PKD1L1: variants seen among roughly 807,000 people sequenced by gnomAD.
PKD1L1 encodes polycystin-1-like protein 1.
Under a neutral mutation model 323.4 loss-of-function variants are expected in PKD1L1, and 236 were observed. The ratio of observed to expected loss-of-function variants is 0.73; its 90% CI spans 0.66 to 0.81. PKD1L1 has a LOEUF of 0.81. Among genes scored for constraint, PKD1L1 ranks in the 40% least tolerant of loss-of-function variants. PKD1L1 has a pLI of 0.00. For synonymous variants in PKD1L1, 1,344 were observed against 1,335.0 expected, an observed-to-expected ratio of 1.01 and a Z score of -0.15; for missense variants, 3,320 against 3,508.0, an observed-to-expected ratio of 0.95 and a Z score of 1.35.
chr7:47,897,894 C>T, intron 14 of PKD1L1, 94 bp downstream of exon 14: 1 of 982,420 alleles, frequency 1.0e-6, no homozygotes, highest in Non-Finnish European at 1.4e-6. Flanking sequence ...CTGGATCGAA[C>T]AGGTGTTGAA....
At chr7:47,804,721 G>A (rs1437506724) in intron 52 of PKD1L1, among the ~76,000 whole-genome samples, 1 of 152,106 alleles carries the variant, frequency 6.6e-6, no homozygotes, top group Non-Finnish European at 1.5e-5. Flanking sequence ...CTGAACTCAG[G>A]CAATCTGTCA....
intron 2 of PKD1L1, among the ~76,000 whole-genome samples, chr7:47,941,559 C>G (rs1167905320): frequency 4.6e-5 from 7 of 152,186 alleles, no homozygotes; most frequent in Admixed American, 4.6e-4. Flanking sequence ...ATAACAAAAG[C>G]TGAGGAAAAA....
intron 21 of PKD1L1, among the ~76,000 whole-genome samples, chr7:47,880,382 C>T (rs1323446001): frequency 4.6e-4 from 67 of 145,872 alleles, no homozygotes; most frequent in Admixed American, 1.2e-3. Flanking sequence ...CCTGGGTTCA[C>T]GCCATTCTCC....
intron 4 of PKD1L1, among the ~76,000 whole-genome samples, chr7:47,932,814 T>C (rs1049388965): frequency 6.6e-6 from 1 of 152,230 alleles, no homozygotes; most frequent in African/African-American, 2.4e-5. Flanking sequence ...ATTATAATCA[T>C]GCATGAGAAA....
At chr7:47,821,213 T>A in intron 45 of PKD1L1, 27 bp from the exon 46 acceptor site, 2 of 1,444,558 alleles carry the variant, frequency 1.4e-6, no homozygotes, top group Non-Finnish European at 1.9e-6. Context: ...TAAGTTAGCA[T>A]CCATACAGAC....
In PKD1L1 at chr7:47,885,782, G is replaced by T. The variant is rs1161507617; in HGVS notation, c.3109C>A (p.Leu1037Ile). ...CTCTGTGGCCCTGGCTCTAGGTCTA[G>T]TGAACCTTCCTCTGGAGCCTCCCCC... is the stretch of plus-strand genomic sequence containing the variant. ...VLGEAPEEGS[L>I]DLEPGPQSKG... Residue 1037 changes from leucine (L) to isoleucine (I), a missense_variant, in exon 18 of 57, where the codon CTA (leucine) becomes ATA (isoleucine). Physicochemically the swap from Leu to Ile is conservative, Grantham distance 5. Coordinates refer to ENST00000289672, the MANE Select transcript of PKD1L1 (RefSeq NM_138295.5). 1.2e-6 allele frequency: 2 copies of T among 1,614,132 alleles called. No individual in the cohort carries two copies. The highest frequency in any genetic ancestry group is 1.7e-6 in the Non-Finnish European group (2 of 1,180,050).
chr7:47,835,246 G>T lies in PKD1L1; in HGVS notation c.5944-3C>A. On this transcript the variant is annotated splice_region_variant and splice_polypyrimidine_tract_variant and intron_variant, in intron 37 of 56. Transcript: ENST00000289672. ...GTGGGGCTGACGTCCAAGTGGGGCT[G>T]CAACAAAGCAACAGCAGCCATTACA... 6.4e-7 allele frequency: 1 copy of T among 1,565,714 alleles called. No individual in the cohort carries two copies. The highest frequency in any genetic ancestry group is 2.3e-5 in the East Asian group (1 of 44,326).
chr7:47,791,387 T>G (rs1786944272), intron 56 of PKD1L1, among the ~76,000 whole-genome samples: 1 of 152,186 alleles, frequency 6.6e-6, no homozygotes, highest in African/African-American at 2.4e-5. Flanking sequence ...TTTCCTCAAC[T>G]CTGTTAATTC....
intron 6 of PKD1L1, 108 bp from the exon 7 acceptor site, chr7:47,929,634 T>C: frequency 1.0e-6 from 1 of 995,756 alleles, no homozygotes; most frequent in Non-Finnish European, 1.5e-6. Context: ...AAGCCAAGTC[T>C]GAGAAACCTG....
chr7:47,833,028 C>T (rs1785379484), intron 41 of PKD1L1, 62 bp downstream of exon 41: 2 of 1,538,756 alleles, frequency 1.3e-6, no homozygotes, highest in Non-Finnish European at 1.8e-6. Context: ...CCCTGCCTCT[C>T]CCAATGGCTG....
chr7:47,860,527 T>C (rs1786001037), intron 26 of PKD1L1, among the ~76,000 whole-genome samples: 1 of 152,238 alleles, frequency 6.6e-6, no homozygotes, highest in Non-Finnish European at 1.5e-5. Context: ...TTTTAAAATC[T>C]AGTTCTTCCA....
chr7:47,890,349 C>T (rs914961354), intron 16 of PKD1L1, among the ~76,000 whole-genome samples, 193 bp downstream of exon 16: 2 of 152,252 alleles, frequency 1.3e-5, no homozygotes, highest in Non-Finnish European at 2.9e-5. Context: ...GCTGCCCAGA[C>T]ATCAGCCCGA....
chr7:47,869,780 T>C (rs1213797138), intron 24 of PKD1L1, among the ~76,000 whole-genome samples: 1 of 152,102 alleles, frequency 6.6e-6, no homozygotes, highest in Non-Finnish European at 1.5e-5. Context: ...CAAAATCAGA[T>C]ACATATTCTT....
chr7:47,778,189 G>A (rs887844524), intron 56 of PKD1L1, among the ~76,000 whole-genome samples: 2 of 152,180 alleles, frequency 1.3e-5, no homozygotes, highest in Admixed American at 6.5e-5. Flanking sequence ...ATGGGAGGAC[G>A]GTGGTGGTGG....
intron 37 of PKD1L1, 62 bp from the exon 38 acceptor site, chr7:47,835,305 C>G: frequency 9.5e-7 from 1 of 1,047,756 alleles, no homozygotes; most frequent in East Asian, 2.5e-5. Context: ...AAAACGCAGT[C>G]ATTGTGTAAT....
chr7:47,774,995 T>C lies in PKD1L1; in HGVS notation c.*148A>G. ...CTTGATTTTCATCCTGGTTTCCCAT[T>C]TACTTGTTACGTGAACTGGAAAAAT... is the stretch of plus-strand genomic sequence containing the variant. On this transcript the variant is annotated 3_prime_UTR_variant, in exon 57 of 57. Transcript: ENST00000289672. 1 of 780,646 alleles carries C rather than the reference T, an allele frequency of 1.3e-6. No individual in the cohort carries two copies. Among genetic ancestry groups the C allele is most frequent in the South Asian group, 1.7e-5 (1 of 58,834 alleles). 48.4% of individuals were successfully genotyped at this position (780,646 alleles called of 1,614,324 possible).
Position 47,829,569 on chromosome 7 carries a change from T to C in PKD1L1, c.6591A>G (p.Lys2197=). Residue 2197 remains lysine (K), a synonymous_variant, in exon 44 of 57, where the codon AAA becomes AAG. Transcript: ENST00000289672. ...TAAAAAAGTGGTTGTCAGCTCTTCT[T>C]TTCCAAGCAAAACCCAAGGCCATGA... is the stretch of plus-strand genomic sequence containing the variant. ...VCLMALGFAW[K]RRADNHFFTE... is the part of the protein sequence containing the mutation. 1 of 1,613,106 alleles carries C rather than the reference T, an allele frequency of 6.2e-7. No homozygotes were observed. Among genetic ancestry groups the C allele is most frequent in the Non-Finnish European group, 8.5e-7 (1 of 1,179,746 alleles).
intron 51 of PKD1L1, 196 bp downstream of exon 51, chr7:47,809,277 T>A: frequency 1.9e-6 from 1 of 521,610 alleles, no homozygotes; most frequent in Non-Finnish European, 3.4e-6. Flanking sequence ...ATTCGTGTGG[T>A]ACATGACGGT....
intron 45 of PKD1L1, among the ~76,000 whole-genome samples, chr7:47,826,570 T>A (rs1583599781): frequency 6.6e-6 from 1 of 152,196 alleles, no homozygotes; most frequent in Non-Finnish European, 1.5e-5. Context: ...TGCTATTTTT[T>A]AAAAAACTAT....
Sources: allele counts gnomAD v4.1 joint callset (sites outside exome capture counted in the v4.1 genomes callset), GRCh38; gene constraint gnomAD v4.1.1; transcripts MANE v1.5; gene names NCBI Gene and HGNC (gene_info 2026-07-23, HGNC 2026-07-21).